Variants in CTNND2 observed in about 807,000 individuals in gnomAD.
CTNND2 encodes catenin delta 2.
In CTNND2, 22 loss-of-function variants were observed where a neutral mutation model predicts 144.4. The ratio of observed to expected loss-of-function variants is 0.15; its 90% CI spans 0.11 to 0.22. The LOEUF (loss-of-function observed/expected upper bound fraction) is 0.22. Among genes scored for constraint, CTNND2 ranks in the 10% least tolerant of loss-of-function variants. The probability of loss-of-function intolerance (pLI) is 1.00; values close to 1 mark genes in which losing one functional copy is unlikely to be tolerated. For missense variants in CTNND2, 1,353 were observed against 1,618.8 expected (o/e 0.84, Z 2.82); for synonymous variants, 751 against 695.6 (o/e 1.08, Z -1.25).
chr5:11,666,009 T>C (rs1783550702), intron 2 of CTNND2, among the ~76,000 whole-genome samples: 2 of 152,160 alleles, frequency 1.3e-5, no homozygotes, highest in African/African-American at 4.8e-5. Context: ...ATGTACTAGA[T>C]TTGCATGCAG....
chr5:11,891,951 A>G (rs189459685), intron 1 of CTNND2, among the ~76,000 whole-genome samples: 160 of 152,320 alleles, frequency 1.1e-3, no homozygotes, highest in Admixed American at 3.1e-3. Context: ...TATGCCCTTC[A>G]GTGTGGTACT....
intron 8 of CTNND2, among the ~76,000 whole-genome samples, chr5:11,347,669 T>C (rs61750701): frequency 1.4e-4 from 22 of 152,358 alleles, no homozygotes; most frequent in Admixed American, 1.4e-3. Flanking sequence ...ACAGACTTCA[T>C]ATCCAAAATA....
chr5:11,077,237 T>G (rs1273413118), intron 16 of CTNND2, among the ~76,000 whole-genome samples: 3 of 152,182 alleles, frequency 2.0e-5, no homozygotes, highest in African/African-American at 7.2e-5. Flanking sequence ...AGGCTTACCT[T>G]ACAGTGGGGA....
intron 2 of CTNND2, among the ~76,000 whole-genome samples, chr5:11,671,852 A>G (rs1783889550): frequency 6.6e-6 from 1 of 151,974 alleles, no homozygotes; most frequent in African/African-American, 2.4e-5. Context: ...TTGGAGGAAA[A>G]GAGGTGTTCT....
intron 3 of CTNND2, among the ~76,000 whole-genome samples, chr5:11,493,863 T>C (rs1769685697): frequency 6.6e-6 from 1 of 152,196 alleles, no homozygotes; most frequent in Non-Finnish European, 1.5e-5. Flanking sequence ...ATAAATATTT[T>C]CAACATAGGA....
At chr5:11,404,602 C>CTGTTTTTTTTTTTTTT (rs1760926317) in intron 5 of CTNND2, among the ~76,000 whole-genome samples, 1 of 57,368 alleles carries the variant, frequency 1.7e-5, no homozygotes, top group Admixed American at 3.2e-4. Flanking sequence ...TATCTGTATT[C>CTGTTTTTTTTTTTTTT]TTTTTTTTTT....
chr5:11,405,575 C>T (rs954058218), intron 5 of CTNND2, among the ~76,000 whole-genome samples: 2 of 149,020 alleles, frequency 1.3e-5, no homozygotes, highest in Non-Finnish European at 3.0e-5. Flanking sequence ...AGCAGGACTC[C>T]GTTAAAAAAA....
At chr5:11,530,244 G>C (rs1245418187) in intron 3 of CTNND2, among the ~76,000 whole-genome samples, 1 of 151,886 alleles carries the variant, frequency 6.6e-6, no homozygotes, top group Non-Finnish European at 1.5e-5. Context: ...CCAACCAAAA[G>C]CTCCCTTTAG....
intron 1 of CTNND2, among the ~76,000 whole-genome samples, chr5:11,835,379 T>C (rs1794123535): frequency 2.6e-5 from 4 of 152,306 alleles, no homozygotes; most frequent in South Asian, 4.1e-4. Context: ...CTATTCAGGA[T>C]TGTTGTTATT....
chr5:11,800,602 C>A (rs1181755973), intron 1 of CTNND2, among the ~76,000 whole-genome samples: 1 of 152,120 alleles, frequency 6.6e-6, no homozygotes, highest in African/African-American at 2.4e-5. Context: ...AAGGAAAAGG[C>A]ATACCCTTCC....
At chr5:11,610,012 G>T (rs1192867968) in intron 2 of CTNND2, among the ~76,000 whole-genome samples, 1 of 152,206 alleles carries the variant, frequency 6.6e-6, no homozygotes, top group African/African-American at 2.4e-5. Context: ...TTCGGTTTGA[G>T]TCCTAGTATT....
intron 13 of CTNND2, among the ~76,000 whole-genome samples, chr5:11,112,027 T>G (rs1053204348): frequency 3.3e-5 from 5 of 152,132 alleles, no homozygotes; most frequent in Non-Finnish European, 7.4e-5. Context: ...TTTTTTGTAT[T>G]TTTAGTAGAG....
chr5:11,535,759 T>A (rs1241476005), intron 3 of CTNND2, among the ~76,000 whole-genome samples: 3 of 152,242 alleles, frequency 2.0e-5, no homozygotes. Flanking sequence ...CTTACAAAGA[T>A]CTTTATTCCC....
intron 11 of CTNND2, among the ~76,000 whole-genome samples, chr5:11,165,065 G>T (rs983725569): frequency 6.6e-6 from 1 of 152,302 alleles, no homozygotes; most frequent in East Asian, 1.9e-4. Flanking sequence ...CGAAACTTCT[G>T]TAAGTATTAT....
chr5:11,304,412 AAACT>A (rs751274115), intron 9 of CTNND2, among the ~76,000 whole-genome samples: 13 of 152,060 alleles, frequency 8.5e-5, no homozygotes, highest in South Asian at 8.3e-4. Context: ...ACACACACAC[AAACT>A]CTCTCTCCCC....
intron 18 of CTNND2, among the ~76,000 whole-genome samples, chr5:11,011,057 G>A (rs564328103): frequency 2.0e-5 from 3 of 152,290 alleles, no homozygotes; most frequent in African/African-American, 7.2e-5. Context: ...GGGGTGGAGT[G>A]GAGGGGGGCA....
At chr5:11,017,023 T>C (rs1230196874) in intron 18 of CTNND2, among the ~76,000 whole-genome samples, 1 of 151,990 alleles carries the variant, frequency 6.6e-6, no homozygotes, top group East Asian at 1.9e-4. Context: ...GTGATCTGCC[T>C]ACCTCAGCCT....
At chr5:11,233,704 G>C (rs1741293422) in intron 10 of CTNND2, among the ~76,000 whole-genome samples, 1 of 144,084 alleles carries the variant, frequency 6.9e-6, no homozygotes, top group Non-Finnish European at 1.5e-5. Flanking sequence ...ATCCTTATTA[G>C]AGTTTACGTG....
chr5:11,585,930 G>C (rs1039354271), intron 2 of CTNND2, among the ~76,000 whole-genome samples: 1 of 152,124 alleles, frequency 6.6e-6, no homozygotes, highest in African/African-American at 2.4e-5. Context: ...TGTTCTAGGA[G>C]AGGTGAGGAG....
Sources: gnomAD v4.1 joint callset for allele counts (sites outside exome capture counted in the v4.1 genomes callset) on GRCh38, gnomAD v4.1.1 for gene constraint, MANE v1.5 for transcripts, NCBI Gene and HGNC (gene_info 2026-07-23, HGNC 2026-07-21) for gene names.